PTPRN2: variants seen among roughly 807,000 people sequenced by gnomAD.
The protein encoded by PTPRN2 is receptor-type tyrosine-protein phosphatase N2.
In PTPRN2, 74 loss-of-function variants were observed where a neutral mutation model predicts 118.8. The ratio of observed to expected loss-of-function variants is 0.62; its 90% CI spans 0.52 to 0.76. PTPRN2 has a LOEUF of 0.76. PTPRN2 is among the 30% of genes least tolerant of loss of function. The probability of loss-of-function intolerance (pLI) is 0.00; values close to 1 mark genes in which losing one functional copy is unlikely to be tolerated. For missense variants in PTPRN2, 1,481 were observed against 1,394.4 expected (o/e 1.06, Z -0.99); for synonymous variants, 641 against 608.0 (o/e 1.05, Z -0.80).
intron 2 of PTPRN2, among the ~76,000 whole-genome samples, chr7:158,369,909 G>C (rs907598729): frequency 6.6e-6 from 1 of 152,202 alleles, no homozygotes; most frequent in African/African-American, 2.4e-5. Flanking sequence ...CTGACTGGGC[G>C]GCAGACAGAC....
rs575313966 is a variant in PTPRN2 at position 158,003,241 on chromosome 7, C to T, written c.1723+78057G>A. Among the ~76,000 whole-genome samples the T allele has an allele frequency of 4.0e-4, 60 of 151,766 alleles. No homozygotes were observed. The highest frequency in any genetic ancestry group is 7.4e-5 in the Non-Finnish European group (5 of 67,890). ...CATCTTGGCTAACACGGTGAAACCC[C>T]GTTTCTACTAAAAATACAAAAAATT... On this transcript the variant is annotated intron_variant, in intron 11 of 22. Transcript: ENST00000389418. The surrounding 1 kb of genome is among the most constrained non-coding windows in gnomAD (Gnocchi z 5.0).
intron 2 of PTPRN2, among the ~76,000 whole-genome samples, chr7:158,364,554 A>G (rs1390692567): frequency 6.6e-6 from 1 of 152,258 alleles, no homozygotes. Flanking sequence ...AGTCACATGT[A>G]AGCTTAATAA....
intron 1 of PTPRN2, among the ~76,000 whole-genome samples, chr7:158,530,627 G>T (rs1445704487): frequency 1.3e-5 from 2 of 152,222 alleles, no homozygotes; most frequent in Non-Finnish European, 2.9e-5. Context: ...GTGCCTGTGA[G>T]CACCCATGTG....
At chr7:157,683,387 C>T (rs185193240) in intron 12 of PTPRN2, among the ~76,000 whole-genome samples, 4 of 152,236 alleles carry the variant, frequency 2.6e-5, no homozygotes, top group African/African-American at 9.6e-5. Flanking sequence ...TTCAAGTAGC[C>T]ACCAAGTCCA....
chr7:158,528,655 G>A (rs1442773754), intron 1 of PTPRN2, among the ~76,000 whole-genome samples: 1 of 151,804 alleles, frequency 6.6e-6, no homozygotes, highest in Non-Finnish European at 1.5e-5. Context: ...TTAGCCAGGT[G>A]TGGTGGCGGG....
chr7:158,550,911 T>C (rs1180608275), intron 1 of PTPRN2, among the ~76,000 whole-genome samples: 3 of 152,128 alleles, frequency 2.0e-5, no homozygotes, highest in Non-Finnish European at 4.4e-5. Context: ...CCTTCACCCC[T>C]CCACGGACAT....
intron 3 of PTPRN2, among the ~76,000 whole-genome samples, chr7:158,217,380 A>G (rs997925597): frequency 6.6e-6 from 1 of 152,240 alleles, no homozygotes; most frequent in Non-Finnish European, 1.5e-5. Context: ...ATTCAGAAAC[A>G]AAGCCAATCA....
At position 157,782,160 on chromosome 7, in the gene PTPRN2, C is replaced by T. The variant is rs143459313; in HGVS notation, c.1789-99223G>A. On this transcript the variant is annotated intron_variant, in intron 12 of 22. Transcript: ENST00000389418. ...AGGCCTCGCCTGCTCTGCACAGGAC[C>T]GTAGACCCCATGCTGAGGGGCGGCC... is the stretch of plus-strand genomic sequence containing the variant. 4.0e-3 allele frequency among the ~76,000 whole-genome samples: 602 copies of T among 152,348 alleles called. 4 individuals carry two copies. Among genetic ancestry groups the T allele is most frequent in the Non-Finnish European group, 4.9e-3 (334 of 68,038 alleles).
intron 1 of PTPRN2, among the ~76,000 whole-genome samples, chr7:158,498,256 C>T (rs903458670): frequency 3.3e-5 from 5 of 152,230 alleles, no homozygotes; most frequent in African/African-American, 1.2e-4. Context: ...AGCTGGGTAC[C>T]AGGACAACCA....
chr7:157,870,123 C>A (rs1166115620), intron 12 of PTPRN2, among the ~76,000 whole-genome samples: 2 of 152,186 alleles, frequency 1.3e-5, no homozygotes, highest in Non-Finnish European at 2.9e-5. Flanking sequence ...CCCTTGGCTG[C>A]AGCTCATCTG....
At position 157,809,643 on chromosome 7, in the gene PTPRN2, C is replaced by T. The variant is rs79861234; in HGVS notation, c.1788+89030G>A. Reference sequence around the variant, plus strand: ...AGACAGCACAGACACGCCCCGAGGACGGAGACGGAACGGAGTGAGGCGTCT... The same window carrying T: ...AGACAGCACAGACACGCCCCGAGGATGGAGACGGAACGGAGTGAGGCGTCT... On this transcript the variant is annotated intron_variant, in intron 12 of 22. Transcript: ENST00000389418. Among the ~76,000 whole-genome samples the T allele has an allele frequency of 9.0e-3, 1,372 of 152,252 alleles. 45 individuals are homozygous for T. The South Asian group carries it at 0.12, about 13-fold the overall frequency.
chr7:158,204,338 T>C (rs1425836556), intron 4 of PTPRN2, among the ~76,000 whole-genome samples: 1 of 152,242 alleles, frequency 6.6e-6, no homozygotes, highest in Non-Finnish European at 1.5e-5. Context: ...GGGGGACGGT[T>C]ACCAGTTCTC....
At chr7:158,547,512 T>G (rs1826362719) in intron 1 of PTPRN2, among the ~76,000 whole-genome samples, 1 of 152,196 alleles carries the variant, frequency 6.6e-6, no homozygotes, top group South Asian at 2.1e-4. Context: ...TTCCATTCCA[T>G]ATAATGTTCT....
At chr7:158,400,177 C>A (rs917075003) in intron 2 of PTPRN2, among the ~76,000 whole-genome samples, 1 of 152,084 alleles carries the variant, frequency 6.6e-6, no homozygotes, top group Non-Finnish European at 1.5e-5. Context: ...CTTACGAGGC[C>A]CCCACAAACA....
At chr7:158,289,050 G>A (rs1231753447) in intron 3 of PTPRN2, among the ~76,000 whole-genome samples, 1 of 152,070 alleles carries the variant, frequency 6.6e-6, no homozygotes, top group Non-Finnish European at 1.5e-5. Context: ...AAACCTTCCT[G>A]TAACTCCTTT....
intron 2 of PTPRN2, among the ~76,000 whole-genome samples, chr7:158,425,201 CGG>C (rs1815621098): frequency 2.9e-5 from 1 of 34,490 alleles, no homozygotes; most frequent in Admixed American, 3.7e-4. Flanking sequence ...TGCGCACCGC[CGG>C]GAAAGACGCG....
intron 3 of PTPRN2, among the ~76,000 whole-genome samples, chr7:158,222,904 GA>G (rs1461551572): frequency 6.6e-6 from 1 of 151,894 alleles, no homozygotes; most frequent in Admixed American, 6.6e-5. Flanking sequence ...CTGGTTCCTT[GA>G]AAAAAATCAG....
At chr7:158,271,213 C>T (rs1798496945) in intron 3 of PTPRN2, among the ~76,000 whole-genome samples, 1 of 152,094 alleles carries the variant, frequency 6.6e-6, no homozygotes, top group Non-Finnish European at 1.5e-5. Flanking sequence ...TGCTGCTTCT[C>T]TTGTGTTGTG....
chr7:158,551,318 T>C (rs1048639809), intron 1 of PTPRN2, among the ~76,000 whole-genome samples: 1 of 152,186 alleles, frequency 6.6e-6, no homozygotes, highest in Admixed American at 6.5e-5. Flanking sequence ...CCAACCCTAA[T>C]CACCTCTGGA....
Sources: allele counts gnomAD v4.1 joint callset (sites outside exome capture counted in the v4.1 genomes callset), GRCh38; gene constraint gnomAD v4.1.1; non-coding constraint Gnocchi (gnomAD v3.1); transcripts MANE v1.5; gene names NCBI Gene and HGNC (gene_info 2026-07-23, HGNC 2026-07-21).